Variants in HDAC9 observed in about 807,000 individuals in gnomAD.
The protein encoded by HDAC9 is MEF-2 interacting transcription repressor (MITR) protein.
A neutral mutation model predicts 139.4 loss-of-function variants in HDAC9; 41 were observed. The ratio of observed to expected loss-of-function variants is 0.29; its 90% confidence interval spans 0.23 to 0.38. HDAC9 has a LOEUF of 0.38. Ranked by LOEUF, HDAC9 falls within the 10% of genes least tolerant of loss-of-function variation. The pLI is 1.00. For synonymous variants in HDAC9, 517 were observed against 476.2 expected (o/e 1.09, Z -1.12); for missense variants, 1,147 against 1,297.0 (o/e 0.88, Z 1.78).
At chr7:18,952,726 A>G (rs776165656) in intron 23 of HDAC9, among the ~76,000 whole-genome samples, 4 of 151,972 alleles carry the variant, frequency 2.6e-5, no homozygotes, top group African/African-American at 9.7e-5. Flanking sequence ...TTGAAGATAC[A>G]ATTTGAAATA....
intron 17 of HDAC9, among the ~76,000 whole-genome samples, chr7:18,799,092 C>T (rs1003004337): frequency 6.8e-6 from 1 of 147,088 alleles, no homozygotes; most frequent in African/African-American, 2.5e-5. Context: ...CACACACACA[C>T]ACAGAGCCCC....
chr7:18,871,082 A>C (rs1014318988), intron 21 of HDAC9, among the ~76,000 whole-genome samples: 3 of 152,154 alleles, frequency 2.0e-5, no homozygotes, highest in African/African-American at 7.2e-5. Flanking sequence ...TTTTTCTGTA[A>C]GAAAGAGCTG....
chr7:18,450,924 G>T (rs1232945935), intron 1 of HDAC9, among the ~76,000 whole-genome samples: 4 of 152,178 alleles, frequency 2.6e-5, no homozygotes, highest in Non-Finnish European at 4.4e-5. Context: ...AAGAGTAGTA[G>T]ATGTCAAATG....
At chr7:18,789,940 T>A (rs751851385) in intron 16 of HDAC9, among the ~76,000 whole-genome samples, 1 of 152,094 alleles carries the variant, frequency 6.6e-6, no homozygotes, top group Non-Finnish European at 1.5e-5. Context: ...GGGAAATTGG[T>A]TGGAGAGATT....
At chr7:18,338,532 T>C (rs2128657655) in intron 1 of HDAC9, among the ~76,000 whole-genome samples, 1 of 151,780 alleles carries the variant, frequency 6.6e-6, no homozygotes, top group African/African-American at 2.4e-5. Context: ...ATGCATTTAG[T>C]ATTTCCTACT....
chr7:18,669,962 T>A (rs1795566620), intron 12 of HDAC9, among the ~76,000 whole-genome samples: 1 of 151,874 alleles, frequency 6.6e-6, no homozygotes, highest in African/African-American at 2.4e-5. Flanking sequence ...TTTATGCTCC[T>A]TTTTTTCAAA....
At chr7:18,345,963 C>A (rs754141810) in intron 1 of HDAC9, among the ~76,000 whole-genome samples, 1 of 152,026 alleles carries the variant, frequency 6.6e-6, no homozygotes, top group Non-Finnish European at 1.5e-5. Context: ...ACAGCAGAAA[C>A]GACATGAGTT....
intron 6 of HDAC9, 22 bp from the exon 7 acceptor site, chr7:18,629,328 T>C: frequency 6.6e-7 from 1 of 1,516,158 alleles, no homozygotes; most frequent in African/African-American, 1.4e-5. Context: ...ATCTATTTTT[T>C]TTTTTTTGTC....
At chr7:18,524,631 G>T (rs998631393) in intron 2 of HDAC9, among the ~76,000 whole-genome samples, 5 of 152,040 alleles carry the variant, frequency 3.3e-5, no homozygotes, top group Non-Finnish European at 7.4e-5. Context: ...TATGTTTGGG[G>T]CAAAGGAAGA....
At chr7:18,344,311 C>T (rs569155842) in intron 1 of HDAC9, among the ~76,000 whole-genome samples, 108 of 151,812 alleles carry the variant, frequency 7.1e-4, no homozygotes, top group Non-Finnish European at 1.3e-3. Flanking sequence ...AGATCAAGCA[C>T]TTTACGGATA....
chr7:18,689,352 G>A (rs540034701), intron 12 of HDAC9, among the ~76,000 whole-genome samples: 59 of 151,850 alleles, frequency 3.9e-4, no homozygotes, highest in Non-Finnish European at 6.0e-4. Flanking sequence ...ATTCAGAAAC[G>A]CCCATTGGCT....
chr7:18,207,398 A>G lies in HDAC9; in HGVS notation c.25+45049A>G, dbSNP rs184978029. On this transcript the variant is annotated intron_variant, in intron 2 of 12. Transcript: ENST00000417496. ...GATCCATGCAATTTTGTTTTGATTC[A>G]TTATTTTTATTTATTTATTTTTAAT... 2.0e-5 allele frequency among the ~76,000 whole-genome samples: 3 copies of G among 152,094 alleles called. No individual in the cohort carries two copies. In the East Asian group the frequency reaches 5.8e-4, roughly 29 times the overall value.
chr7:18,766,772 A>G (rs1789864704), intron 15 of HDAC9, among the ~76,000 whole-genome samples: 1 of 152,200 alleles, frequency 6.6e-6, no homozygotes, highest in African/African-American at 2.4e-5. Context: ...AATTTTAAAA[A>G]TTGTAATGTA....
At chr7:18,887,664 T>C (rs991309915) in intron 22 of HDAC9, among the ~76,000 whole-genome samples, 1 of 152,262 alleles carries the variant, frequency 6.6e-6, no homozygotes, top group East Asian at 1.9e-4. Context: ...AGAATTCATA[T>C]GTCAAAATAC....
intron 1 of HDAC9, among the ~76,000 whole-genome samples, chr7:18,363,825 T>C (rs1783971187): frequency 6.6e-6 from 1 of 152,160 alleles, no homozygotes; most frequent in African/African-American, 2.4e-5. Flanking sequence ...AAAGGGCATC[T>C]CATTGTATTA....
intron 2 of HDAC9, among the ~76,000 whole-genome samples, chr7:18,533,459 A>G (rs966045049): frequency 6.6e-6 from 1 of 152,032 alleles, no homozygotes; most frequent in African/African-American, 2.4e-5. Flanking sequence ...TGAAAATGTC[A>G]TTTTTCTATC....
At chr7:18,535,019 G>A (rs138280329) in intron 2 of HDAC9, among the ~76,000 whole-genome samples, 1 of 152,206 alleles carries the variant, frequency 6.6e-6, no homozygotes, top group African/African-American at 2.4e-5. Context: ...GAACCTCTTA[G>A]GGATTCTCTG....
At chr7:18,812,791 A>T (rs1386648946) in intron 17 of HDAC9, among the ~76,000 whole-genome samples, 1 of 151,928 alleles carries the variant, frequency 6.6e-6, no homozygotes, top group African/African-American at 2.4e-5. Context: ...TGTTTATTTC[A>T]TCACTTCGGT....
chr7:18,612,664 T>C (rs1837486256), intron 6 of HDAC9, among the ~76,000 whole-genome samples: 1 of 31,560 alleles, frequency 3.2e-5, no homozygotes, highest in Admixed American at 3.0e-4. Context: ...TGGAAACATT[T>C]TAATCCTTTC....
Sources: gnomAD v4.1 joint callset for allele counts (sites outside exome capture counted in the v4.1 genomes callset) on GRCh38, gnomAD v4.1.1 for gene constraint, MANE v1.5 for transcripts, NCBI Gene and HGNC (gene_info 2026-07-23, HGNC 2026-07-21) for gene names.